PLOD2: variants seen among roughly 807,000 people sequenced by gnomAD.
The protein encoded by PLOD2 is lysine hydroxylase 2.
In PLOD2, 65 loss-of-function variants were observed where a neutral mutation model predicts 101.0. That is an observed-to-expected ratio of 0.64 (90% confidence interval 0.53 to 0.79). The LOEUF (loss-of-function observed/expected upper bound fraction) is 0.79, where lower values mean the gene tolerates loss of function less well. Ranked by LOEUF, PLOD2 falls within the 30% of genes least tolerant of loss-of-function variation. The pLI, the probability that PLOD2 is intolerant of heterozygous loss-of-function variation, is 0.00. For missense variants in PLOD2, 909 were observed against 914.6 expected (o/e 0.99, Z 0.08); for synonymous variants, 314 against 302.9 (o/e 1.04, Z -0.38).
intron 1 of PLOD2, among the ~76,000 whole-genome samples, chr3:146,141,448 C>G (rs531129997): frequency 1.5e-4 from 23 of 152,130 alleles, no homozygotes; most frequent in Non-Finnish European, 2.8e-4. Context: ...AATCCCCAAC[C>G]TCAGGAGAAG....
At chr3:146,123,721 TTA>T (rs368663721) in intron 2 of PLOD2, among the ~76,000 whole-genome samples, 3 of 150,166 alleles carry the variant, frequency 2.0e-5, no homozygotes, top group Non-Finnish European at 3.0e-5. Context: ...CAGAAAGAAA[TTA>T]TATATATATA....
chr3:146,107,600 T>G (rs1937557654), intron 4 of PLOD2, among the ~76,000 whole-genome samples: 1 of 151,420 alleles, frequency 6.6e-6, no homozygotes, highest in African/African-American at 2.4e-5. Context: ...TGGTTGCTCA[T>G]TTTTTGGTTC....
intron 1 of PLOD2, among the ~76,000 whole-genome samples, chr3:146,152,925 G>A (rs1052453066): frequency 6.6e-6 from 1 of 152,162 alleles, no homozygotes; most frequent in African/African-American, 2.4e-5. Flanking sequence ...TAAAGTCACT[G>A]TTTAAAAAAT....
At chr3:146,103,739 T>A (rs1408968369) in intron 6 of PLOD2, among the ~76,000 whole-genome samples, 3 of 151,966 alleles carry the variant, frequency 2.0e-5, no homozygotes, top group Non-Finnish European at 4.4e-5. Context: ...TATTTTAAAT[T>A]TTACTGTATT....
intron 14 of PLOD2, 57 bp downstream of exon 14, chr3:146,077,805 A>G (rs1367789532): frequency 6.1e-6 from 6 of 989,260 alleles, no homozygotes; most frequent in Non-Finnish European, 7.8e-6. Flanking sequence ...CTACTAGGCA[A>G]TATACTATAT....
At chr3:146,153,127 T>G (rs2032142095) in intron 1 of PLOD2, among the ~76,000 whole-genome samples, 3 of 152,172 alleles carry the variant, frequency 2.0e-5, no homozygotes, top group Admixed American at 1.3e-4. Context: ...GCCTCAGAGC[T>G]GGCTTGGACA....
At chr3:146,143,485 A>C (rs945195828) in intron 1 of PLOD2, among the ~76,000 whole-genome samples, 6 of 151,998 alleles carry the variant, frequency 3.9e-5, no homozygotes. Flanking sequence ...AGCCTCTCCT[A>C]ACCATCTTTT....
Position 146,106,613 on chromosome 3 carries a change from AC to A in PLOD2, c.533del (p.Arg178LeufsTer2). The A allele has an allele frequency of 6.3e-7, 1 of 1,587,170 alleles. No individual in the cohort carries two copies. The highest frequency in any genetic ancestry group is 8.7e-7 in the Non-Finnish European group (1 of 1,155,512). Reference protein sequence around the residue: ...GFIGYAPYVNRIVQQWNLQDN... With the variant: ...GFIGYAPYVNXIVQQWNLQDN... ...CCTGGAGATTCCATTGTTGAACTAT[AC>A]GGTTGACATATGGAGCATAGCCAAT... On this transcript the variant is annotated frameshift_variant, in exon 5 of 20. Coordinates refer to ENST00000282903, the MANE Select transcript of PLOD2 (RefSeq NM_182943.3). LOFTEE classifies it high-confidence loss of function.
At chr3:146,133,600 C>T (rs754909043) in intron 1 of PLOD2, among the ~76,000 whole-genome samples, 2 of 152,114 alleles carry the variant, frequency 1.3e-5, no homozygotes, top group Non-Finnish European at 2.9e-5. Flanking sequence ...CACATGTATG[C>T]CAATCCCTTC....
chr3:146,104,452 A>G (rs1937500369), intron 5 of PLOD2, 110 bp from the exon 6 acceptor site: 3 of 676,728 alleles, frequency 4.4e-6, no homozygotes, highest in South Asian at 1.7e-5. Context: ...TAATATTCTT[A>G]TATCTTAAGT....
intron 12 of PLOD2, among the ~76,000 whole-genome samples, chr3:146,080,160 T>C (rs946686854): frequency 3.3e-5 from 5 of 152,002 alleles, no homozygotes; most frequent in South Asian, 2.1e-4. Context: ...CCCCGCCTTA[T>C]GTGAGGGTGA....
chr3:146,087,757 T>C (rs1475846510), intron 9 of PLOD2, among the ~76,000 whole-genome samples: 4 of 151,746 alleles, frequency 2.6e-5, no homozygotes, highest in Admixed American at 6.6e-5. Context: ...CAAAAGACAA[T>C]ACATAAAAAC....
chr3:146,101,234 G>C (rs1319773181), intron 7 of PLOD2, among the ~76,000 whole-genome samples: 1 of 152,134 alleles, frequency 6.6e-6, no homozygotes, highest in Admixed American at 6.6e-5. Context: ...ATTCACTGAT[G>C]AGGAAATGAC....
At chr3:146,084,990 A>G (rs1243208421) in intron 11 of PLOD2, among the ~76,000 whole-genome samples, 179 bp downstream of exon 11, 1 of 152,140 alleles carries the variant, frequency 6.6e-6, no homozygotes, top group Non-Finnish European at 1.5e-5. Flanking sequence ...AGATGTATTC[A>G]GGTTGTTTTC....
intron 1 of PLOD2, among the ~76,000 whole-genome samples, chr3:146,132,809 C>T (rs546111826): frequency 3.7e-4 from 56 of 152,086 alleles, no homozygotes; most frequent in African/African-American, 1.3e-3. Context: ...ACAGATTATA[C>T]TGCAAAAAAA....
intron 7 of PLOD2, among the ~76,000 whole-genome samples, chr3:146,096,905 C>A (rs1937197680): frequency 7.2e-6 from 1 of 138,186 alleles, no homozygotes; most frequent in Admixed American, 7.1e-5. Flanking sequence ...GGCCAGCCGC[C>A]CCGTCCAGGA....
At chr3:146,152,410 A>G (rs1389839449) in intron 1 of PLOD2, among the ~76,000 whole-genome samples, 1 of 151,584 alleles carries the variant, frequency 6.6e-6, no homozygotes, top group Non-Finnish European at 1.5e-5. Flanking sequence ...ACAGAGCAAG[A>G]CTCCGTCTCA....
chr3:146,159,394 T>C (rs1206199928), intron 1 of PLOD2, among the ~76,000 whole-genome samples: 1 of 152,230 alleles, frequency 6.6e-6, no homozygotes, highest in Admixed American at 6.5e-5. Flanking sequence ...AGGGATGTCC[T>C]CTATTAAAAA....
At chr3:146,082,666 G>A (rs1173750004) in intron 11 of PLOD2, among the ~76,000 whole-genome samples, 1 of 152,138 alleles carries the variant, frequency 6.6e-6, no homozygotes, top group Middle Eastern at 3.2e-3. Context: ...GCCGAGGCGG[G>A]CGGATCACAA....
Sources: allele counts gnomAD v4.1 joint callset (sites outside exome capture counted in the v4.1 genomes callset), GRCh38; gene constraint gnomAD v4.1.1; transcripts MANE v1.5; gene names NCBI Gene and HGNC (gene_info 2026-07-23, HGNC 2026-07-21).